The following RBFOX1 variants were observed in gnomAD, a reference collection of about 807,000 sequenced individuals.
RBFOX1 encodes the protein RNA binding protein fox-1 homolog 1.
RBFOX1 carries 8 observed loss-of-function variants against 57.7 expected under a neutral mutation model. That is an observed-to-expected ratio of 0.14 (90% CI 0.08 to 0.25). RBFOX1 has a LOEUF of 0.25. Ranked by LOEUF, RBFOX1 falls within the 10% of genes least tolerant of loss-of-function variation. The pLI is 1.00. For synonymous variants in RBFOX1, 326 were observed against 222.4 expected (o/e 1.47, Z -4.15); for missense variants, 611 against 548.5 (o/e 1.11, Z -1.14).
At chr16:5,983,343 C>T (rs1439094157) in intron 4 of RBFOX1, among the ~76,000 whole-genome samples, 1 of 152,232 alleles carries the variant, frequency 6.6e-6, no homozygotes, top group African/African-American at 2.4e-5. Context: ...ACAGCTCCTG[C>T]ACATCCACTT....
intron 14 of RBFOX1, among the ~76,000 whole-genome samples, chr16:7,693,683 A>C (rs140520815): frequency 2.0e-5 from 3 of 152,306 alleles, no homozygotes; most frequent in African/African-American, 4.8e-5. Flanking sequence ...AATAGGGAAC[A>C]GGAAGATTAG....
intron 4 of RBFOX1, among the ~76,000 whole-genome samples, chr16:7,439,927 A>G (rs2098752456): frequency 6.6e-6 from 1 of 151,030 alleles, no homozygotes; most frequent in African/African-American, 2.4e-5. Context: ...CCTGAACCAC[A>G]AAACAACCAA....
chr16:6,146,457 G>C (rs957592210), intron 1 of RBFOX1, among the ~76,000 whole-genome samples: 10 of 152,118 alleles, frequency 6.6e-5, no homozygotes, highest in Non-Finnish European at 1.3e-4. Context: ...GTACATTGTA[G>C]GATGGTTGGC....
chr16:6,790,123 G>A (rs1300480444), intron 3 of RBFOX1, among the ~76,000 whole-genome samples: 1 of 146,740 alleles, frequency 6.8e-6, no homozygotes, highest in Non-Finnish European at 1.5e-5. Context: ...ATTTTCTTCT[G>A]GTTCTGATTT....
At position 5,884,397 on chromosome 16, in the gene RBFOX1, A is replaced by G. The variant is rs1215023081; in HGVS notation, c.351+17062A>G. On this transcript the variant is annotated intron_variant, in intron 4 of 19. Transcript: ENST00000641259. Reference sequence around the variant, plus strand: ...CTCTGTAGGGCTTTGCCTGGTGCCTATGGTAGAGACAGCTCTGAGTCCACC... The same window carrying G: ...CTCTGTAGGGCTTTGCCTGGTGCCTGTGGTAGAGACAGCTCTGAGTCCACC... Among the ~76,000 whole-genome samples, 23 of 152,012 alleles carry G rather than the reference A, an allele frequency of 1.5e-4. No individual in the cohort carries two copies. The East Asian group carries it at 4.1e-3, about 27-fold the overall frequency.
intron 4 of RBFOX1, among the ~76,000 whole-genome samples, chr16:5,959,891 C>G (rs1347736377): frequency 1.3e-5 from 2 of 152,138 alleles, no homozygotes; most frequent in African/African-American, 4.8e-5. Flanking sequence ...CAGCTACCAA[C>G]AAGTGTTTTT....
chr16:6,515,154 C>G (rs1028346810), intron 2 of RBFOX1, among the ~76,000 whole-genome samples: 2 of 152,056 alleles, frequency 1.3e-5, no homozygotes, highest in African/African-American at 2.4e-5. Context: ...GTGGTCAGAC[C>G]TTGACATTTC....
intron 3 of RBFOX1, among the ~76,000 whole-genome samples, chr16:6,891,721 G>A (rs923467455): frequency 6.6e-6 from 1 of 152,096 alleles, no homozygotes; most frequent in African/African-American, 2.4e-5. Context: ...TCATCTGAAC[G>A]TGGAACGCAG....
At chr16:6,007,831 C>T (rs574945832) in intron 4 of RBFOX1, among the ~76,000 whole-genome samples, 58 of 152,212 alleles carry the variant, frequency 3.8e-4, no homozygotes, top group Middle Eastern at 3.4e-3. Context: ...ACTTTGATAT[C>T]TAGCAGCCGT....
At chr16:7,412,241 C>G (rs375416122) in intron 4 of RBFOX1, among the ~76,000 whole-genome samples, 42 of 151,762 alleles carry the variant, frequency 2.8e-4, no homozygotes, top group African/African-American at 9.7e-4. Flanking sequence ...ATGGTGAAAC[C>G]CCATCTCTAC....
At chr16:5,995,179 C>T (rs1176321906) in intron 4 of RBFOX1, among the ~76,000 whole-genome samples, 1 of 152,176 alleles carries the variant, frequency 6.6e-6, no homozygotes, top group Non-Finnish European at 1.5e-5. Flanking sequence ...TTAAATATTC[C>T]TTACCATTAT....
chr16:7,344,725 A>G (rs1296417749), intron 4 of RBFOX1, among the ~76,000 whole-genome samples: 2 of 152,182 alleles, frequency 1.3e-5, no homozygotes, highest in East Asian at 1.9e-4. Flanking sequence ...AAAGTGGAAC[A>G]ATTTGCCCTC....
intron 14 of RBFOX1, among the ~76,000 whole-genome samples, chr16:7,681,598 G>C (rs748245329): frequency 6.6e-6 from 1 of 152,110 alleles, no homozygotes; most frequent in Non-Finnish European, 1.5e-5. Flanking sequence ...TTAAGGAATT[G>C]TCAGCATATA....
In RBFOX1 at chr16:6,142,189, CAA is replaced by C. The variant is rs71142685; in HGVS notation, c.-127+122223_-127+122224del. 4.4e-3 allele frequency among the ~76,000 whole-genome samples: 218 copies of C among 49,080 alleles called. 1 individual carries two copies. The highest frequency in any genetic ancestry group is 0.024 in the Admixed American group (60 of 2,544). 32.2% of individuals were successfully genotyped at this position (49,080 alleles called of 152,430 possible). ...TCAGAGATCCTTGTTGCTGCTGCTG[CAA>C]AAAAAAAAAAAAAAAAAAAAAAAAA... On this transcript the variant is annotated intron_variant, in intron 1 of 15. Coordinates refer to ENST00000550418, the MANE Select transcript of RBFOX1 (RefSeq NM_018723.4).
intron 2 of RBFOX1, among the ~76,000 whole-genome samples, chr16:6,345,091 C>G (rs2085167898): frequency 6.6e-6 from 1 of 152,186 alleles, no homozygotes; most frequent in African/African-American, 2.4e-5. Flanking sequence ...ACACTAGATT[C>G]TTGTGAAGCA....
chr16:6,125,745 A>G (rs936492049), intron 1 of RBFOX1, among the ~76,000 whole-genome samples: 1 of 152,030 alleles, frequency 6.6e-6, no homozygotes, highest in Non-Finnish European at 1.5e-5. Context: ...GAGTAATGCA[A>G]TTACCATCCT....
intron 2 of RBFOX1, among the ~76,000 whole-genome samples, chr16:6,354,034 A>C (rs2086854215): frequency 1.3e-5 from 2 of 152,122 alleles, no homozygotes; most frequent in African/African-American, 2.4e-5. Flanking sequence ...AGCCTCACCA[A>C]TATGGTGAGA....
chr16:5,776,410 G>T (rs140848610), intron 3 of RBFOX1, among the ~76,000 whole-genome samples: 60 of 152,268 alleles, frequency 3.9e-4, no homozygotes, highest in African/African-American at 1.4e-3. Flanking sequence ...ATTTTAACCT[G>T]CATCCCTCTG....
intron 4 of RBFOX1, among the ~76,000 whole-genome samples, chr16:7,167,380 C>T (rs1410090660): frequency 6.6e-6 from 1 of 151,706 alleles, no homozygotes; most frequent in Non-Finnish European, 1.5e-5. Context: ...GCTGGTGTTT[C>T]AATAAGAGAA....
Sources: allele counts gnomAD v4.1 joint callset (sites outside exome capture counted in the v4.1 genomes callset), GRCh38; gene constraint gnomAD v4.1.1; transcripts MANE v1.5; gene names NCBI Gene and HGNC (gene_info 2026-07-23, HGNC 2026-07-21).